The following LPIN2 variants were observed in gnomAD, a reference collection of about 807,000 sequenced individuals.
LPIN2 encodes lipin 2.
In LPIN2, 55 loss-of-function variants were observed where a neutral mutation model predicts 111.4. The observed-to-expected ratio is 0.49, with a 90% CI of 0.40 to 0.62. The LOEUF is 0.62. LPIN2 is among the 20% of genes least tolerant of loss of function. LPIN2 has a pLI of 0.00. For synonymous variants in LPIN2, 425 were observed against 414.0 expected (o/e 1.03, Z -0.32); for missense variants, 992 against 1,112.1 (o/e 0.89, Z 1.54).
intron 4 of LPIN2, 148 bp downstream of exon 4, chr18:2,950,907 G>T: frequency 1.3e-6 from 1 of 785,464 alleles, no homozygotes. Context: ...CAAAGAAACT[G>T]CCTTTGCTGC....
At chr18:2,992,133 C>G (rs2078275462) in intron 1 of LPIN2, among the ~76,000 whole-genome samples, 1 of 152,282 alleles carries the variant, frequency 6.6e-6, no homozygotes, top group African/African-American at 2.4e-5. Flanking sequence ...GTGTTCACGG[C>G]AGCATTATTC....
chr18:2,956,020 G>C (rs2077606967), intron 2 of LPIN2, among the ~76,000 whole-genome samples: 4 of 152,156 alleles, frequency 2.6e-5, no homozygotes, highest in Admixed American at 2.0e-4. Context: ...CCTTACCTTG[G>C]AAACAGTATT....
At chr18:2,921,079 G>C in intron 18 of LPIN2, 198 bp from the exon 19 acceptor site, 1 of 630,190 alleles carries the variant, frequency 1.6e-6, no homozygotes, top group Middle Eastern at 4.2e-4. Context: ...CAGAAAACTT[G>C]GGCAGCCACC....
intron 9 of LPIN2, among the ~76,000 whole-genome samples, 153 bp from the exon 10 acceptor site, chr18:2,929,311 C>CT (rs1030429038): frequency 6.6e-6 from 1 of 152,120 alleles, no homozygotes; most frequent in Non-Finnish European, 1.5e-5. Flanking sequence ...ATGTCAGACG[C>CT]TTTTTTTCCC....
chr18:2,993,826 C>T (rs2078301958), intron 1 of LPIN2, among the ~76,000 whole-genome samples: 1 of 152,112 alleles, frequency 6.6e-6, no homozygotes, highest in African/African-American at 2.4e-5. Context: ...CTAAGCTTTG[C>T]AATATACCCT....
intron 3 of LPIN2, among the ~76,000 whole-genome samples, chr18:2,952,073 C>T (rs2077545675): frequency 6.6e-6 from 1 of 152,136 alleles, no homozygotes; most frequent in Non-Finnish European, 1.5e-5. Context: ...CATGTCTTAG[C>T]CATTTGTTTC....
intron 1 of LPIN2, among the ~76,000 whole-genome samples, chr18:2,961,568 T>C (rs1053200949): frequency 1.3e-5 from 2 of 152,018 alleles, no homozygotes; most frequent in African/African-American, 4.8e-5. Flanking sequence ...CAAATCACAA[T>C]CAAAAGGTCT....
chr18:2,932,079 T>C (rs1410832859), intron 8 of LPIN2, among the ~76,000 whole-genome samples: 1 of 152,182 alleles, frequency 6.6e-6, no homozygotes, highest in African/African-American at 2.4e-5. Flanking sequence ...CTGAATATTT[T>C]CATTTTTCAA....
chr18:2,933,288 T>C (rs73375265), intron 8 of LPIN2, among the ~76,000 whole-genome samples: 4,018 of 152,296 alleles, frequency 0.026, 177 homozygotes, highest in African/African-American at 0.091. Context: ...TCACCTTAGT[T>C]ACTCTCCTCA....
At chr18:2,951,426 G>C in intron 3 of LPIN2, 70 bp from the exon 4 acceptor site, 1 of 1,286,526 alleles carries the variant, frequency 7.8e-7, no homozygotes, top group Non-Finnish European at 1.1e-6. Flanking sequence ...GTAATATTTT[G>C]AATATATAAA....
intron 2 of LPIN2, among the ~76,000 whole-genome samples, chr18:2,957,125 G>C (rs546084126): frequency 6.6e-6 from 1 of 152,266 alleles, no homozygotes; most frequent in South Asian, 2.1e-4. Context: ...CATAATATAG[G>C]ACTAAGATGC....
Position 2,917,208 on chromosome 18 carries a change from AT to A in LPIN2, c.*3084del, listed in dbSNP as rs1165286086. The A allele has an allele frequency of 6.6e-6, 1 of 152,242 alleles. No individual in the cohort carries two copies. Among genetic ancestry groups the A allele is most frequent in the Non-Finnish European group, 1.5e-5 (1 of 68,038 alleles). 9.4% of individuals were successfully genotyped at this position (152,242 alleles called of 1,614,324 possible). A position where few individuals can be genotyped will look rare whatever the true frequency, so the allele number is the denominator to read the frequency against. ...ACTTCATCATAGGCTGAACATAATT[AT>A]TAAAAGAGCAAAGTTTCCCCTCCCT... On this transcript the variant is annotated 3_prime_UTR_variant, in exon 20 of 20. Coordinates refer to ENST00000677752, the MANE Select transcript of LPIN2 (RefSeq NM_001375808.2).
chr18:2,972,364 C>G (rs372541538), intron 1 of LPIN2: 1 of 152,018 alleles, frequency 6.6e-6, no homozygotes, highest in African/African-American at 2.4e-5. Flanking sequence ...AGTGTGAAGT[C>G]AGCCGAGGCA....
At chr18:2,952,039 A>G (rs2077545417) in intron 3 of LPIN2, among the ~76,000 whole-genome samples, 5 of 152,252 alleles carry the variant, frequency 3.3e-5, no homozygotes. Flanking sequence ...TAAATAAACG[A>G]TCAAGTCTGG....
chr18:2,990,925 G>T (rs946909624), intron 1 of LPIN2: 1 of 553,696 alleles, frequency 1.8e-6, no homozygotes. Context: ...CCCCACACGG[G>T]GCCCTCCTCC....
chr18:2,980,463 C>T (rs1430974358), intron 1 of LPIN2, among the ~76,000 whole-genome samples: 2 of 152,186 alleles, frequency 1.3e-5, no homozygotes, highest in Non-Finnish European at 2.9e-5. Flanking sequence ...CTCAGCCCCA[C>T]CCCAAATCCT....
In LPIN2 at chr18:2,924,560, A is replaced by G. The variant is rs370284164; in HGVS notation, c.1939-14T>C. 6.2e-5 allele frequency: 100 copies of G among 1,613,890 alleles called. 1 individual carries two copies. In the East Asian group the frequency reaches 1.1e-3, roughly 18 times the overall value. On this transcript the variant is annotated splice_polypyrimidine_tract_variant and intron_variant, in intron 14 of 19. Transcript: ENST00000677752. ...CTTCAGTTTTGCCTTTTAAAAAAGC[A>G]TAAGAATAAAGAAAATCAGCTGAAA... is the stretch of plus-strand genomic sequence containing the variant.
chr18:2,987,164 A>C (rs2078199170), intron 1 of LPIN2, among the ~76,000 whole-genome samples: 1 of 152,234 alleles, frequency 6.6e-6, no homozygotes, highest in Non-Finnish European at 1.5e-5. Flanking sequence ...TGCAAGTCTT[A>C]CTATCATCAA....
chr18:2,975,561 T>C (rs2077999192), intron 1 of LPIN2, among the ~76,000 whole-genome samples: 1 of 152,160 alleles, frequency 6.6e-6, no homozygotes, highest in Admixed American at 6.6e-5. Context: ...CTCGAACTCC[T>C]CACCTCAGGT....
Sources: gnomAD v4.1 joint callset for allele counts (sites outside exome capture counted in the v4.1 genomes callset) on GRCh38, gnomAD v4.1.1 for gene constraint, MANE v1.5 for transcripts, NCBI Gene and HGNC (gene_info 2026-07-23, HGNC 2026-07-21) for gene names.